The following CNTNAP2 variants were observed in gnomAD, a reference collection of about 807,000 sequenced individuals.
CNTNAP2 encodes contactin associated protein 2.
Under a neutral mutation model 155.2 loss-of-function variants are expected in CNTNAP2, and 98 were observed. The ratio of observed to expected loss-of-function variants is 0.63; its 90% confidence interval spans 0.54 to 0.75. CNTNAP2 has a LOEUF of 0.75. CNTNAP2 is among the 30% of genes least tolerant of loss of function. The probability of loss-of-function intolerance (pLI) is 0.00; values close to 1 mark genes in which losing one functional copy is unlikely to be tolerated. For missense variants in CNTNAP2, 1,727 were observed against 1,688.1 expected (o/e 1.02, Z -0.40); for synonymous variants, 651 against 631.2 (o/e 1.03, Z -0.47).
chr7:147,092,853 C>G (rs552009380), intron 4 of CNTNAP2, among the ~76,000 whole-genome samples: 80 of 152,182 alleles, frequency 5.3e-4, no homozygotes, highest in Non-Finnish European at 9.3e-4. Context: ...GCAAGCATGT[C>G]AGGAATGAGT....
intron 3 of CNTNAP2, among the ~76,000 whole-genome samples, chr7:146,905,220 G>T (rs1465517156): frequency 1.3e-5 from 2 of 151,908 alleles, no homozygotes; most frequent in East Asian, 3.9e-4. Flanking sequence ...AATTGCCTCT[G>T]GCCTAGAAGA....
At chr7:146,874,588 C>T (rs570639636) in intron 3 of CNTNAP2, among the ~76,000 whole-genome samples, 67 of 152,266 alleles carry the variant, frequency 4.4e-4, no homozygotes, top group African/African-American at 1.6e-3. Flanking sequence ...ATCCGCCCAC[C>T]GTGGCCTCCC....
chr7:147,797,735 G>C (rs1797921858), intron 13 of CNTNAP2, among the ~76,000 whole-genome samples: 1 of 152,186 alleles, frequency 6.6e-6, no homozygotes. Flanking sequence ...TCTTTTGTGT[G>C]ATGTTCCAGC....
chr7:146,324,408 C>T (rs1801061443), intron 1 of CNTNAP2, among the ~76,000 whole-genome samples: 1 of 152,156 alleles, frequency 6.6e-6, no homozygotes, highest in South Asian at 2.1e-4. Flanking sequence ...TAAATAGACA[C>T]ATCATCGGTG....
At chr7:146,815,330 T>G (rs1212604547) in intron 2 of CNTNAP2, among the ~76,000 whole-genome samples, 1 of 152,172 alleles carries the variant, frequency 6.6e-6, no homozygotes, top group African/African-American at 2.4e-5. Flanking sequence ...TGTATGATGT[T>G]TAATCTTACT....
intron 4 of CNTNAP2, among the ~76,000 whole-genome samples, chr7:147,052,441 G>C (rs995878931): frequency 3.9e-5 from 6 of 151,988 alleles, no homozygotes; most frequent in African/African-American, 1.4e-4. Flanking sequence ...ACTATTTGAG[G>C]ATGCATAGAT....
chr7:146,399,926 T>C (rs1302625106), intron 1 of CNTNAP2, among the ~76,000 whole-genome samples: 1 of 152,190 alleles, frequency 6.6e-6, no homozygotes, highest in African/African-American at 2.4e-5. Context: ...ATCCCACAAT[T>C]ATTATACTAA....
intron 21 of CNTNAP2, among the ~76,000 whole-genome samples, chr7:148,302,084 G>T (rs1475125260): frequency 1.3e-5 from 2 of 152,180 alleles, no homozygotes; most frequent in Non-Finnish European, 2.9e-5. Flanking sequence ...GATTCCTGCT[G>T]CCAGGTCACT....
chr7:147,089,088 C>T (rs1584832413), intron 4 of CNTNAP2, among the ~76,000 whole-genome samples: 2 of 152,256 alleles, frequency 1.3e-5, no homozygotes, highest in Non-Finnish European at 2.9e-5. Flanking sequence ...TGGCTGTCCG[C>T]CCAAGATGGG....
At chr7:146,280,029 A>G (rs1800225721) in intron 1 of CNTNAP2, among the ~76,000 whole-genome samples, 1 of 152,174 alleles carries the variant, frequency 6.6e-6, no homozygotes, top group East Asian at 1.9e-4. Flanking sequence ...TGAAGTAACT[A>G]TACCAACATG....
intron 14 of CNTNAP2, among the ~76,000 whole-genome samples, chr7:147,946,100 A>C (rs1800816704): frequency 2.0e-5 from 3 of 151,626 alleles, no homozygotes; most frequent in African/African-American, 2.4e-5. Flanking sequence ...CACTTTTCTT[A>C]ATTCACCCCT....
intron 1 of CNTNAP2, among the ~76,000 whole-genome samples, chr7:146,463,189 A>C (rs2129125158): frequency 6.6e-6 from 1 of 152,188 alleles, no homozygotes; most frequent in South Asian, 2.1e-4. Flanking sequence ...CAAGAAGAGA[A>C]CTGTTATCTT....
chr7:146,252,725 T>C (rs552910586), intron 1 of CNTNAP2, among the ~76,000 whole-genome samples: 17 of 151,940 alleles, frequency 1.1e-4, no homozygotes, highest in Middle Eastern at 3.4e-3. Flanking sequence ...CATTGCCTTA[T>C]ATTCTTAAAA....
chr7:146,123,583 G>A (rs1465297236), intron 1 of CNTNAP2, among the ~76,000 whole-genome samples: 1 of 152,076 alleles, frequency 6.6e-6, no homozygotes, highest in Non-Finnish European at 1.5e-5. Context: ...TGCATTAGAT[G>A]TCATATTGAA....
At chr7:147,550,233 T>C (rs1799826015) in intron 11 of CNTNAP2, among the ~76,000 whole-genome samples, 1 of 152,202 alleles carries the variant, frequency 6.6e-6, no homozygotes, top group African/African-American at 2.4e-5. Flanking sequence ...AGTGATATGG[T>C]TTGACTGTGT....
At chr7:146,929,040 T>G (rs1161537823) in intron 3 of CNTNAP2, among the ~76,000 whole-genome samples, 1 of 152,168 alleles carries the variant, frequency 6.6e-6, no homozygotes, top group African/African-American at 2.4e-5. Context: ...AGCAGTAACC[T>G]CTGCAGACTT....
At chr7:146,656,849 A>G (rs1207513492) in intron 1 of CNTNAP2, among the ~76,000 whole-genome samples, 3 of 152,218 alleles carry the variant, frequency 2.0e-5, no homozygotes, top group African/African-American at 7.2e-5. Context: ...CAAGATAGAA[A>G]ACAAAAGTAT....
chr7:147,744,467 A>G (rs976775636), intron 13 of CNTNAP2, among the ~76,000 whole-genome samples: 8 of 152,228 alleles, frequency 5.3e-5, no homozygotes, highest in Non-Finnish European at 1.2e-4. Context: ...ACAAATATGT[A>G]GCGCTCTCCT....
intron 21 of CNTNAP2, among the ~76,000 whole-genome samples, chr7:148,341,160 T>C (rs1798223130): frequency 6.6e-6 from 1 of 152,232 alleles, no homozygotes; most frequent in Admixed American, 6.5e-5. Flanking sequence ...GCCTCATTCC[T>C]CACGTTCTTT....
Sources: allele counts gnomAD v4.1 joint callset (sites outside exome capture counted in the v4.1 genomes callset), GRCh38; gene constraint gnomAD v4.1.1; transcripts MANE v1.5; gene names NCBI Gene and HGNC (gene_info 2026-07-23, HGNC 2026-07-21).